The following PUS1 variants were observed in gnomAD, a reference collection of about 807,000 sequenced individuals.
PUS1 encodes pseudouridylate synthase 1 homolog.
PUS1 carries 25 observed loss-of-function variants against 38.5 expected under a neutral mutation model. That is an observed-to-expected ratio of 0.65 (90% CI 0.47 to 0.91). The LOEUF (loss-of-function observed/expected upper bound fraction) is 0.91, where lower values mean the gene tolerates loss of function less well. PUS1 is among the 40% of genes least tolerant of loss of function. The pLI, the probability that PUS1 is intolerant of heterozygous loss-of-function variation, is 0.00. For missense variants in PUS1, 597 were observed against 612.3 expected, an observed-to-expected ratio of 0.97 and a Z score of 0.26; for synonymous variants, 282 against 260.4, an observed-to-expected ratio of 1.08 and a Z score of -0.80.
intron 3 of PUS1, among the ~76,000 whole-genome samples, chr12:131,933,170 C>G (rs1890683153): frequency 6.6e-6 from 1 of 151,114 alleles, no homozygotes; most frequent in Non-Finnish European, 1.5e-5. Flanking sequence ...ACTGGAATGA[C>G]AGGCACTCCA....
intron 3 of PUS1, among the ~76,000 whole-genome samples, chr12:131,933,906 G>A (rs145065784): frequency 2.0e-5 from 3 of 152,332 alleles, no homozygotes; most frequent in South Asian, 2.1e-4. Context: ...ATGCCTGGAC[G>A]CACTGCTATT....
rs143660941 is a variant in PUS1 at position 131,941,731 on chromosome 12, G to A, written c.984G>A (p.Ala328=). ...WGTEKVDVPK[A]PGLGLVLERV... is the part of the protein sequence containing the mutation. ...CAGAGAAGGTGGACGTGCCCAAGGCGCCCGGACTCGGCCTGGTCCTGGAGA... is the reference window on the plus strand; with the variant it reads ...CAGAGAAGGTGGACGTGCCCAAGGCACCCGGACTCGGCCTGGTCCTGGAGA... Residue 328 remains alanine (A), a synonymous_variant, in exon 5 of 6, where the codon GCG becomes GCA. Coordinates refer to ENST00000376649, the MANE Select transcript of PUS1 (RefSeq NM_025215.6). This position sits in a 1 kb window ranked among gnomAD's most constrained non-coding sequence, Gnocchi z 4.4. 193 of 1,614,014 alleles carry A rather than the reference G, an allele frequency of 1.2e-4. No homozygotes were observed. Among genetic ancestry groups the A allele is most frequent in the Non-Finnish European group, 1.4e-4 (163 of 1,180,028 alleles).
At chr12:131,940,648 G>A (rs1305381704) in intron 4 of PUS1, among the ~76,000 whole-genome samples, 1 of 152,088 alleles carries the variant, frequency 6.6e-6, no homozygotes, top group East Asian at 1.9e-4. Flanking sequence ...CGTGATCTCG[G>A]CTCACTGCAA....
At chr12:131,938,002 G>C (rs749882167) in intron 3 of PUS1, among the ~76,000 whole-genome samples, 6 of 152,184 alleles carry the variant, frequency 3.9e-5, no homozygotes, top group African/African-American at 4.8e-5. Context: ...CATGTCCAAA[G>C]TAGGAAACTC....
chr12:131,937,280 G>A (rs776750732), intron 3 of PUS1, among the ~76,000 whole-genome samples: 1 of 152,178 alleles, frequency 6.6e-6, no homozygotes, highest in African/African-American at 2.4e-5. Context: ...TGATTCTTAT[G>A]TGGGTGCCAT....
rs755085331 is a variant in PUS1 at position 131,929,677 on chromosome 12, A to AGGGGTCGGGGATCAGGGC, written c.-36_-19dup. 2 of 1,221,706 alleles carry AGGGGTCGGGGATCAGGGC rather than the reference A, an allele frequency of 1.6e-6. No individual in the cohort carries two copies. Among genetic ancestry groups the AGGGGTCGGGGATCAGGGC allele is most frequent in the South Asian group, 2.9e-5 (2 of 70,028 alleles). The allele number at this position is 1,221,706 out of a possible 1,614,324, so 75.7% of individuals were successfully genotyped here. On this transcript the variant is annotated 5_prime_UTR_variant, in exon 1 of 6. Coordinates refer to ENST00000376649, the MANE Select transcript of PUS1 (RefSeq NM_025215.6). ...AGGCGGAGCTGGGGCACTGGGGGTCAGGGGTCGGGGATCAGGGCGGGGTCG... is the reference window on the plus strand; with the variant it reads ...AGGCGGAGCTGGGGCACTGGGGGTCAGGGGTCGGGGATCAGGGCGGGGTCGGGGATCAGGGCGGGGTCG...
rs369170782 is a variant in PUS1, at chr12:131,939,187, C to G, written c.456C>G (p.Ala152=). The G allele has an allele frequency of 4.0e-4, 625 of 1,558,880 alleles. 7 individuals carry two copies. The highest frequency in any genetic ancestry group is 8.1e-5 in the Non-Finnish European group (93 of 1,150,378). The change falls in exon 4 of 6, where the codon GCC becomes GCG. Residue 152 remains alanine (A), a synonymous_variant. Coordinates refer to ENST00000376649, the MANE Select transcript of PUS1 (RefSeq NM_025215.6). ...CARTDKGVSA[A]GQVVSLKVWL... ...TTTGTTTACAGGGTGTGTCCGCAGCCGGCCAGGTGGTATCCCTGAAGGTGT... is the reference window on the plus strand; with the variant it reads ...TTTGTTTACAGGGTGTGTCCGCAGCGGGCCAGGTGGTATCCCTGAAGGTGT...
intron 5 of PUS1, among the ~76,000 whole-genome samples, chr12:131,942,607 CAT>C (rs1891134946): frequency 1.3e-5 from 2 of 152,136 alleles, no homozygotes; most frequent in Non-Finnish European, 2.9e-5. Flanking sequence ...GGGGTTTCAC[CAT>C]GTTAGCCAGG....
At chr12:131,942,102 C>A in intron 5 of PUS1, 119 bp downstream of exon 5, 1 of 963,852 alleles carries the variant, frequency 1.0e-6, no homozygotes, top group Non-Finnish European at 1.6e-6. Flanking sequence ...CACACAGCTG[C>A]TGCAGGAGCA....
chr12:131,932,776 C>T, intron 3 of PUS1: 1 of 442,086 alleles, frequency 2.3e-6, no homozygotes, highest in Non-Finnish European at 4.5e-6. Flanking sequence ...GATCATGGCT[C>T]ACTGCAGTCT....
Position 131,936,837 on chromosome 12 carries a change from C to T in PUS1, c.442-2336C>T, listed in dbSNP as rs138861592. Among the ~76,000 whole-genome samples, 1,232 of 150,548 alleles carry T rather than the reference C, an allele frequency of 8.2e-3. 11 individuals carry two copies. Among genetic ancestry groups the T allele is most frequent in the Non-Finnish European group, 0.013 (879 of 67,832 alleles). On this transcript the variant is annotated intron_variant, in intron 3 of 5. Transcript: ENST00000376649. ...ACAGAAGACGAAGGTGGCAGGGAGT[C>T]GAGGTTGCGTCACTGAGCTCCAGCC...
chr12:131,938,085 G>GTTAA (rs1369037784), intron 3 of PUS1, among the ~76,000 whole-genome samples: 3 of 152,016 alleles, frequency 2.0e-5, no homozygotes, highest in Non-Finnish European at 2.9e-5. Context: ...TAACTGGTCT[G>GTTAA]GGATCTAATC....
Position 131,929,976 on chromosome 12 carries a change from C to T in PUS1, c.144C>T (p.Ser48=). ...CCGCATGCCCCCAGGACCGGAGGTC[C>T]TGCAGCGGCCGGGCCGGGGGCGACC... ...AGAACPQDRR[S]CSGRAGGDRV... Residue 48 remains serine, a synonymous_variant, in exon 2 of 6, where the codon TCC becomes TCT. Coordinates refer to ENST00000376649, the MANE Select transcript of PUS1 (RefSeq NM_025215.6). 1.3e-6 allele frequency: 2 copies of T among 1,504,740 alleles called. No homozygotes were observed. The highest frequency in any genetic ancestry group is 2.4e-5 in the Admixed American group (1 of 41,364). The allele number at this position is 1,504,740 out of a possible 1,614,324, so 93.2% of individuals were successfully genotyped here. A position where few individuals can be genotyped will look rare whatever the true frequency, so the allele number is the denominator to read the frequency against.
intron 2 of PUS1, among the ~76,000 whole-genome samples, chr12:131,931,096 A>C (rs1890581082): frequency 6.6e-6 from 1 of 152,246 alleles, no homozygotes; most frequent in Non-Finnish European, 1.5e-5. Flanking sequence ...ACAAAAGTTT[A>C]AGAAAATAAT....
At position 131,943,621 on chromosome 12, in the gene PUS1, C is replaced by T; in HGVS notation, c.*35C>T. ...AGCTGCCCACCAGAGTGCCTCTGAG[C>T]AGCTCACAGTGTGTGCCCAGATGTG... On this transcript the variant is annotated 3_prime_UTR_variant, in exon 6 of 6. Transcript: ENST00000376649. The T allele has an allele frequency of 1.9e-6, 3 of 1,582,762 alleles. No individual in the cohort carries two copies. In the South Asian group the frequency reaches 3.3e-5, roughly 18 times the overall value.
In PUS1 at chr12:131,931,586, C is replaced by T. The variant is rs184608289; in HGVS notation, c.304-589C>T. On this transcript the variant is annotated intron_variant, in intron 2 of 5. Coordinates refer to ENST00000376649, the MANE Select transcript of PUS1 (RefSeq NM_025215.6). ...TTATTTATTTTTGAGACAGAGTTTTCCTCTGTCACCTAGGCTGGAGTGCAG... is the reference window on the plus strand; with the variant it reads ...TTATTTATTTTTGAGACAGAGTTTTTCTCTGTCACCTAGGCTGGAGTGCAG... 3.0e-3 allele frequency: 464 copies of T among 153,614 alleles called. 2 individuals carry two copies. Among genetic ancestry groups the T allele is most frequent in the Non-Finnish European group, 4.5e-3 (308 of 69,116 alleles). 9.5% of individuals were successfully genotyped at this position (153,614 alleles called of 1,614,324 possible). A position where few individuals can be genotyped will look rare whatever the true frequency, so the allele number is the denominator to read the frequency against.
At chr12:131,936,230 A>T (rs1890824999) in intron 3 of PUS1, among the ~76,000 whole-genome samples, 1 of 151,294 alleles carries the variant, frequency 6.6e-6, no homozygotes. Context: ...AAAGCAAAAA[A>T]GGAAATATAA....
rs941034290 is a variant in PUS1, at chr12:131,929,557, A to T, written c.-166A>T. 9.7e-5 allele frequency: 55 copies of T among 564,856 alleles called. No individual in the cohort carries two copies. In the East Asian group the frequency reaches 1.8e-3, roughly 19 times the overall value. 35.0% of individuals were successfully genotyped at this position (564,856 alleles called of 1,614,324 possible). A position where few individuals can be genotyped will look rare whatever the true frequency, so the allele number is the denominator to read the frequency against. ...GTCCAGGTCCGAGAGGTCAGGGGTC[A>T]GCTGGAGAGGGGCTGGGGCGCCGGT... On this transcript the variant is annotated 5_prime_UTR_variant, in exon 1 of 6. Transcript: ENST00000376649.
chr12:131,942,702 G>A (rs1364124138), intron 5 of PUS1, among the ~76,000 whole-genome samples: 1 of 152,234 alleles, frequency 6.6e-6, no homozygotes, highest in African/African-American at 2.4e-5. Flanking sequence ...CACTGCGTCC[G>A]GCCAGCCTGA....
Sources: allele counts gnomAD v4.1 joint callset (sites outside exome capture counted in the v4.1 genomes callset), GRCh38; gene constraint gnomAD v4.1.1; non-coding constraint Gnocchi (gnomAD v3.1); transcripts MANE v1.5; gene names NCBI Gene and HGNC (gene_info 2026-07-23, HGNC 2026-07-21).